DGKB: variants seen among roughly 807,000 people sequenced by gnomAD.
DGKB encodes the protein 90 kDa diacylglycerol kinase.
In DGKB, 67 loss-of-function variants were observed where a neutral mutation model predicts 114.3. That is an observed-to-expected ratio of 0.59 (90% CI 0.48 to 0.72). The LOEUF (loss-of-function observed/expected upper bound fraction) is 0.72. Ranked by LOEUF, DGKB falls within the 30% of genes least tolerant of loss-of-function variation. The pLI is 0.00. For synonymous variants in DGKB, 398 were observed against 323.1 expected, an observed-to-expected ratio of 1.23 and a Z score of -2.49; for missense variants, 907 against 975.2, an observed-to-expected ratio of 0.93 and a Z score of 0.93.
At chr7:14,751,969 C>T (rs1834188299) in intron 4 of DGKB, among the ~76,000 whole-genome samples, 2 of 152,154 alleles carry the variant, frequency 1.3e-5, no homozygotes, top group African/African-American at 4.8e-5. Flanking sequence ...ATGTGCAAGA[C>T]ACAGAGCTAT....
At chr7:14,797,401 C>A (rs1049875388) in intron 2 of DGKB, among the ~76,000 whole-genome samples, 1 of 152,042 alleles carries the variant, frequency 6.6e-6, no homozygotes, top group Non-Finnish European at 1.5e-5. Context: ...TCAAGGAAAC[C>A]AAAATAATTC....
At chr7:14,474,626 TAATA>T (rs139046024) in intron 21 of DGKB, among the ~76,000 whole-genome samples, 49,313 of 151,644 alleles carry the variant, frequency 0.33, 8,529 homozygotes, top group South Asian at 0.41. Context: ...TTTAGTATGG[TAATA>T]AATAATTATT....
At chr7:14,951,869 G>A (rs1477180058) in intron 1 of DGKB, among the ~76,000 whole-genome samples, 2 of 151,860 alleles carry the variant, frequency 1.3e-5, no homozygotes, top group Non-Finnish European at 2.9e-5. Flanking sequence ...AAAAAAATCT[G>A]TTCCCTGAAA....
intron 2 of DGKB, among the ~76,000 whole-genome samples, chr7:14,802,436 A>G (rs960682935): frequency 8.5e-5 from 13 of 152,160 alleles, no homozygotes; most frequent in Non-Finnish European, 1.6e-4. Context: ...GGTCAGTAGT[A>G]TGTTTTCTGG....
chr7:14,229,786 G>T (rs1487891557), intron 23 of DGKB, among the ~76,000 whole-genome samples: 1 of 151,748 alleles, frequency 6.6e-6, no homozygotes, highest in African/African-American at 2.4e-5. Flanking sequence ...AAAATATTTT[G>T]TTAAGTGTAA....
chr7:14,546,323 C>G (rs964409309), intron 20 of DGKB, among the ~76,000 whole-genome samples: 5 of 152,044 alleles, frequency 3.3e-5, no homozygotes, highest in Admixed American at 2.0e-4. Context: ...CAACACAGAA[C>G]TCTCTTTACT....
chr7:14,373,252 G>A (rs905135729), intron 21 of DGKB, among the ~76,000 whole-genome samples: 1 of 152,182 alleles, frequency 6.6e-6, no homozygotes, highest in Non-Finnish European at 1.5e-5. Flanking sequence ...TTTTGGGGCT[G>A]TTTGTTACCT....
intron 1 of DGKB, among the ~76,000 whole-genome samples, chr7:14,901,020 C>G (rs1296694578): frequency 6.6e-6 from 1 of 152,102 alleles, no homozygotes; most frequent in African/African-American, 2.4e-5. Context: ...CATGTATGCA[C>G]TATTGTAGCA....
rs561516190 is a variant in DGKB at position 14,293,681 on chromosome 7, C to T, written c.2122+44834G>A. ...CCTTGGCTGCCTTCTCTTTTCTATC[C>T]GCATTCTTTTTCTAGGTGATATCCT... On this transcript the variant is annotated intron_variant, in intron 23 of 25. Coordinates refer to ENST00000402815, the MANE Select transcript of DGKB (RefSeq NM_001350709.2). 5.9e-5 allele frequency among the ~76,000 whole-genome samples: 9 copies of T among 152,140 alleles called. No homozygotes were observed. The South Asian group carries it at 6.2e-4, about 11-fold the overall frequency.
At chr7:14,164,566 A>ACG (rs1157363058) in intron 25 of DGKB, among the ~76,000 whole-genome samples, 2 of 152,208 alleles carry the variant, frequency 1.3e-5, no homozygotes, top group African/African-American at 4.8e-5. Context: ...GAGTTTTAAC[A>ACG]TAATTTTCTT....
intron 25 of DGKB, among the ~76,000 whole-genome samples, chr7:14,171,698 AT>A (rs1322339936): frequency 6.6e-6 from 1 of 152,244 alleles, no homozygotes; most frequent in Non-Finnish European, 1.5e-5. Flanking sequence ...GTATTTATAT[AT>A]AAAAATATGT....
At chr7:14,155,804 G>A (rs1195380161) in intron 25 of DGKB, among the ~76,000 whole-genome samples, 1 of 152,084 alleles carries the variant, frequency 6.6e-6, no homozygotes, top group African/African-American at 2.4e-5. Flanking sequence ...AGCGTTTTTG[G>A]TAGGGGTGAA....
Position 14,257,147 on chromosome 7 carries a change from A to AT in DGKB, c.2123-78997dup, listed in dbSNP as rs558981217. 1.2e-3 allele frequency among the ~76,000 whole-genome samples: 188 copies of AT among 152,188 alleles called. 1 individual carries two copies. The highest frequency in any genetic ancestry group is 9.7e-4 in the East Asian group (5 of 5,176). On this transcript the variant is annotated intron_variant, in intron 23 of 25. Coordinates refer to ENST00000402815, the MANE Select transcript of DGKB (RefSeq NM_001350709.2). Reference sequence around the variant, plus strand: ...CAATGGACTCTAGCCTGGGTGACAGATTTTTTATTCTGTCATTTATTAGAA... The same window carrying AT: ...CAATGGACTCTAGCCTGGGTGACAGATTTTTTTATTCTGTCATTTATTAGAA...
chr7:14,815,800 C>G (rs1358068327), intron 2 of DGKB, among the ~76,000 whole-genome samples: 1 of 152,166 alleles, frequency 6.6e-6, no homozygotes, highest in African/African-American at 2.4e-5. Flanking sequence ...GAGGAGGTCA[C>G]AGACTGTGTA....
intron 20 of DGKB, among the ~76,000 whole-genome samples, chr7:14,507,568 T>C (rs577277537): frequency 2.3e-4 from 35 of 152,326 alleles, no homozygotes; most frequent in Middle Eastern, 3.4e-3. Context: ...GTGTTCTCAT[T>C]TTTTACTGCT....
chr7:14,346,947 T>G (rs1175969897), intron 21 of DGKB, among the ~76,000 whole-genome samples: 2 of 152,056 alleles, frequency 1.3e-5, no homozygotes, highest in Non-Finnish European at 2.9e-5. Context: ...TAATAACATT[T>G]TTGTGTTATT....
chr7:14,841,398 TG>T lies in DGKB; in HGVS notation c.-136del, dbSNP rs1847910862. The T allele has an allele frequency of 1.5e-6, 1 of 656,268 alleles. No individual in the cohort carries two copies. 40.7% of individuals were successfully genotyped at this position (656,268 alleles called of 1,614,324 possible). ...CCTCAGGCTTTCAAAATATGCAATC[TG>T]TCCACATGAAACTGCTTTGGATGCT... On this transcript the variant is annotated 5_prime_UTR_variant, in exon 2 of 26. The change abolishes the stop of an existing upstream ORF in the 5' untranslated region. Coordinates refer to ENST00000402815, the MANE Select transcript of DGKB (RefSeq NM_001350709.2).
At chr7:14,962,429 T>G (rs1418216940) in intron 1 of DGKB, among the ~76,000 whole-genome samples, 1 of 152,164 alleles carries the variant, frequency 6.6e-6, no homozygotes, top group Non-Finnish European at 1.5e-5. Context: ...ATTTTTAGAT[T>G]TGGAATGAAA....
chr7:14,418,125 T>A (rs868363670), intron 21 of DGKB, among the ~76,000 whole-genome samples: 2 of 145,256 alleles, frequency 1.4e-5, no homozygotes, highest in South Asian at 2.1e-4. Context: ...TTAGAGTTTT[T>A]AAAAATATAT....
Sources: gnomAD v4.1 joint callset for allele counts (sites outside exome capture counted in the v4.1 genomes callset) on GRCh38, gnomAD v4.1.1 for gene constraint, MANE v1.5 for transcripts, NCBI Gene and HGNC (gene_info 2026-07-23, HGNC 2026-07-21) for gene names.